The following ARB2A variants were observed in gnomAD, a reference collection of about 807,000 sequenced individuals.
ARB2A encodes the protein ARB2 cotranscriptional regulator A.
At chr5:93,895,268 T>C in the ARB2A span, among the ~76,000 whole-genome samples, 1 of 152,178 alleles carries the variant, frequency 6.6e-6, no homozygotes, top group South Asian at 2.1e-4. Flanking sequence ...TCATTTTTGA[T>C]CATGGATATG....
the ARB2A span, among the ~76,000 whole-genome samples, chr5:93,816,923 T>C: frequency 1.3e-5 from 2 of 152,148 alleles, no homozygotes; most frequent in Non-Finnish European, 2.9e-5. Flanking sequence ...CCACCTTTAT[T>C]CAACCTTGTA....
chr5:93,909,714 A>G, the ARB2A span, among the ~76,000 whole-genome samples: 1 of 150,960 alleles, frequency 6.6e-6, no homozygotes, highest in Non-Finnish European at 1.5e-5. Flanking sequence ...TTTTCCTATT[A>G]AAATTTTCAG....
the ARB2A span, among the ~76,000 whole-genome samples, chr5:93,646,943 G>C: frequency 6.6e-6 from 1 of 152,022 alleles, no homozygotes; most frequent in African/African-American, 2.4e-5. Context: ...AAAAACATTT[G>C]TCACATTTAT....
chr5:93,961,305 A>G, the ARB2A span, among the ~76,000 whole-genome samples: 1 of 152,098 alleles, frequency 6.6e-6, no homozygotes, highest in Non-Finnish European at 1.5e-5. Flanking sequence ...CTTTTTTCCT[A>G]TTTGACTAAG....
the ARB2A span, among the ~76,000 whole-genome samples, chr5:94,058,162 AC>A: frequency 6.6e-6 from 1 of 152,166 alleles, no homozygotes; most frequent in African/African-American, 2.4e-5. Context: ...GATTAAAAAA[AC>A]AAGCCTCCAA....
the ARB2A span, among the ~76,000 whole-genome samples, chr5:93,793,452 C>T: frequency 6.6e-6 from 1 of 151,522 alleles, no homozygotes; most frequent in Admixed American, 6.6e-5. Flanking sequence ...GTATTTTTTT[C>T]TTCTGAAATA....
At chr5:93,992,521 A>T in the ARB2A span, among the ~76,000 whole-genome samples, 2 of 152,026 alleles carry the variant, frequency 1.3e-5, no homozygotes, top group Non-Finnish European at 2.9e-5. Context: ...ATTCAATTAG[A>T]TTTATCACTT....
chr5:93,696,699 A>G, the ARB2A span, among the ~76,000 whole-genome samples: 2 of 152,010 alleles, frequency 1.3e-5, no homozygotes, highest in Admixed American at 1.3e-4. Context: ...TTTTTTTGGT[A>G]TGAGTCAAAA....
chr5:93,649,637 A>C, the ARB2A span, among the ~76,000 whole-genome samples: 1 of 152,202 alleles, frequency 6.6e-6, no homozygotes, highest in African/African-American at 2.4e-5. Flanking sequence ...GCATGGGAAG[A>C]CTCAAAGGAG....
At chr5:93,926,901 C>G in the ARB2A span, among the ~76,000 whole-genome samples, 3 of 151,598 alleles carry the variant, frequency 2.0e-5, no homozygotes, top group Admixed American at 2.0e-4. Context: ...TGAGGTCAAA[C>G]TCATCTCAAG....
chr5:94,001,930 T>C, the ARB2A span, among the ~76,000 whole-genome samples: 5 of 152,116 alleles, frequency 3.3e-5, no homozygotes, highest in Non-Finnish European at 5.9e-5. Flanking sequence ...TTGAGTAACA[T>C]GATGGCAAAG....
the ARB2A span, among the ~76,000 whole-genome samples, chr5:93,786,894 T>C: frequency 6.6e-6 from 1 of 152,146 alleles, no homozygotes; most frequent in African/African-American, 2.4e-5. Context: ...AAGCAAGGAA[T>C]GAGTAGAAGC....
At chr5:94,075,493 T>TA in the ARB2A span, among the ~76,000 whole-genome samples, 2 of 151,898 alleles carry the variant, frequency 1.3e-5, no homozygotes, top group African/African-American at 4.8e-5. Context: ...CCATGAACAG[T>TA]AAAGCAACTA....
the ARB2A span, among the ~76,000 whole-genome samples, chr5:93,978,151 T>C: frequency 6.6e-6 from 1 of 152,188 alleles, no homozygotes; most frequent in Non-Finnish European, 1.5e-5. Context: ...AGAGAACACT[T>C]ATACATTGTT....
chr5:93,849,785 T>C, the ARB2A span, among the ~76,000 whole-genome samples: 1 of 152,208 alleles, frequency 6.6e-6, no homozygotes, highest in Admixed American at 6.6e-5. Context: ...TTTTAAAATT[T>C]AAGAGAATGT....
chr5:93,771,581 T>C, the ARB2A span, among the ~76,000 whole-genome samples: 75 of 152,174 alleles, frequency 4.9e-4, no homozygotes, highest in African/African-American at 1.6e-3. Flanking sequence ...ATATCCAGAA[T>C]CTATAATGAA....
At chr5:93,680,989 C>T in the ARB2A span, among the ~76,000 whole-genome samples, 1 of 152,056 alleles carries the variant, frequency 6.6e-6, no homozygotes, top group Non-Finnish European at 1.5e-5. Context: ...AATAGGTACA[C>T]AATGAACAAA....
the ARB2A span, among the ~76,000 whole-genome samples, chr5:93,723,139 T>A: frequency 6.6e-6 from 1 of 152,146 alleles, no homozygotes; most frequent in Non-Finnish European, 1.5e-5. Flanking sequence ...GAACTTGGCA[T>A]GTGACCAACA....
the ARB2A span, chr5:93,805,183 T>C: frequency 4.1e-6 from 4 of 984,976 alleles, no homozygotes; most frequent in East Asian, 4.5e-4. Flanking sequence ...TATGATGCTT[T>C]GTTAAAGGGA....
Sources: gnomAD v4.1 joint callset for allele counts (sites outside exome capture counted in the v4.1 genomes callset) on GRCh38, gnomAD v4.1.1 for gene constraint, MANE v1.5 for transcripts, NCBI Gene and HGNC (gene_info 2026-07-23, HGNC 2026-07-21) for gene names.